Variants in MAP1B observed in about 807,000 individuals in gnomAD.
The protein encoded by MAP1B is microtubule associated protein 1B, also known as microtubule-associated protein 1B.
MAP1B carries 12 observed loss-of-function variants against 176.1 expected under a neutral mutation model. That is an observed-to-expected ratio of 0.07 (90% confidence interval 0.04 to 0.11). The LOEUF (loss-of-function observed/expected upper bound fraction) is 0.11, where lower values mean the gene tolerates loss of function less well. MAP1B is among the 10% of genes least tolerant of loss of function. The pLI, the probability that MAP1B is intolerant of heterozygous loss-of-function variation, is 1.00. For missense variants in MAP1B, 2,523 were observed against 2,990.5 expected, an observed-to-expected ratio of 0.84 and a Z score of 3.65; for synonymous variants, 1,044 against 1,135.0, an observed-to-expected ratio of 0.92 and a Z score of 1.61.
Position 72,208,381 on chromosome 5 carries a change from A to G in MAP1B, c.*3142A>G, listed in dbSNP as rs890985128. On this transcript the variant is annotated 3_prime_UTR_variant, in exon 7 of 7. Transcript: ENST00000296755. ...GTTTAAATGATGGGATTCTATCGAGATAGCACTCATGATCATGACCTTTTT... is the reference window on the plus strand; with the variant it reads ...GTTTAAATGATGGGATTCTATCGAGGTAGCACTCATGATCATGACCTTTTT... 25 of 152,186 alleles carry G rather than the reference A, an allele frequency of 1.6e-4. No homozygotes were observed. Among genetic ancestry groups the G allele is most frequent in the Non-Finnish European group, 2.8e-4 (19 of 68,036 alleles). 9.4% of individuals were successfully genotyped at this position (152,186 alleles called of 1,614,324 possible). A position where few individuals can be genotyped will look rare whatever the true frequency, so the allele number is the denominator to read the frequency against.
intron 2 of MAP1B, among the ~76,000 whole-genome samples, chr5:72,130,157 A>C (rs898569873): frequency 7.0e-6 from 1 of 143,284 alleles, no homozygotes; most frequent in Non-Finnish European, 1.5e-5. Flanking sequence ...AAAAATCCCA[A>C]CTTACAGTTT....
At chr5:72,121,033 C>T (rs1384331037) in intron 2 of MAP1B, among the ~76,000 whole-genome samples, 2 of 152,228 alleles carry the variant, frequency 1.3e-5, no homozygotes, top group South Asian at 4.1e-4. Flanking sequence ...TATGGCTGAG[C>T]TTCTAAGGTC....
At chr5:72,161,083 T>A (rs980287939) in intron 2 of MAP1B, among the ~76,000 whole-genome samples, 1 of 152,156 alleles carries the variant, frequency 6.6e-6, no homozygotes, top group Admixed American at 6.5e-5. Flanking sequence ...ACATCCACCT[T>A]CAAAGATCCC....
At chr5:72,151,655 T>C (rs548239226) in intron 2 of MAP1B, among the ~76,000 whole-genome samples, 1 of 152,304 alleles carries the variant, frequency 6.6e-6, no homozygotes, top group East Asian at 1.9e-4. Context: ...GGATTTGTTT[T>C]CATAATTTTT....
chr5:72,150,479 C>T (rs1311223534), intron 2 of MAP1B, among the ~76,000 whole-genome samples: 1 of 152,172 alleles, frequency 6.6e-6, no homozygotes, highest in African/African-American at 2.4e-5. Flanking sequence ...CAGATTTTTT[C>T]CTTAAGCACC....
At chr5:72,163,930 CTTTTTTTT>C (rs869167918) in intron 2 of MAP1B, among the ~76,000 whole-genome samples, 2 of 43,698 alleles carry the variant, frequency 4.6e-5, no homozygotes, top group Non-Finnish European at 1.0e-4. Context: ...TTTTTTTTTT[CTTTTTTTT>C]TTTTTTTTTT....
intron 2 of MAP1B, among the ~76,000 whole-genome samples, chr5:72,178,927 T>C (rs1321766863): frequency 6.6e-6 from 1 of 151,952 alleles, no homozygotes; most frequent in African/African-American, 2.4e-5. Context: ...GACACATAGG[T>C]TCAATTAATC....
chr5:72,179,794 C>G, intron 2 of MAP1B: 1 of 985,500 alleles, frequency 1.0e-6, no homozygotes, highest in Non-Finnish European at 1.2e-6. Flanking sequence ...GCCATGGCAT[C>G]TTGGTGCACG....
intron 2 of MAP1B, among the ~76,000 whole-genome samples, chr5:72,148,305 G>A (rs1746081759): frequency 6.6e-6 from 1 of 152,060 alleles, no homozygotes; most frequent in Non-Finnish European, 1.5e-5. Flanking sequence ...TGAGAATTAG[G>A]GGAACAGTCC....
intron 2 of MAP1B, among the ~76,000 whole-genome samples, chr5:72,139,259 T>C (rs532652335): frequency 2.0e-5 from 3 of 152,214 alleles, no homozygotes; most frequent in Non-Finnish European, 2.9e-5. Flanking sequence ...TCTCCAGTTC[T>C]GGTAACCTCT....
At chr5:72,129,238 G>A (rs772518976) in intron 2 of MAP1B, among the ~76,000 whole-genome samples, 3 of 152,132 alleles carry the variant, frequency 2.0e-5, no homozygotes, top group Non-Finnish European at 4.4e-5. Flanking sequence ...AATGTATTTC[G>A]CTTTTCAAGA....
chr5:72,107,756 G>A, intron 1 of MAP1B, 41 bp downstream of exon 1: 2 of 1,591,054 alleles, frequency 1.3e-6, no homozygotes, highest in South Asian at 2.2e-5. Context: ...GCTGGGAGAC[G>A]CGCAAACACG....
At chr5:72,162,211 C>T (rs1046895561) in intron 2 of MAP1B, among the ~76,000 whole-genome samples, 4 of 151,870 alleles carry the variant, frequency 2.6e-5, no homozygotes, top group African/African-American at 9.7e-5. Context: ...GTGTGATTGG[C>T]GAGAGATGAG....
rs1022336427 is a variant in MAP1B, at chr5:72,186,093, C to T, written c.370-521C>T. ...TGCCGTGGAGCTGTGTGTGTGCTTGCTGCACGCCTTGGAAGGGCATATGGG... is the reference window on the plus strand; with the variant it reads ...TGCCGTGGAGCTGTGTGTGTGCTTGTTGCACGCCTTGGAAGGGCATATGGG... On this transcript the variant is annotated intron_variant, in intron 3 of 6. Coordinates refer to ENST00000296755, the MANE Select transcript of MAP1B (RefSeq NM_005909.5). The surrounding 1 kb of genome is among the most constrained non-coding windows in gnomAD (Gnocchi z 4.3). 2.6e-5 allele frequency among the ~76,000 whole-genome samples: 4 copies of T among 152,190 alleles called. No homozygotes were observed. Among genetic ancestry groups the T allele is most frequent in the African/African-American group, 9.7e-5 (4 of 41,448 alleles).
chr5:72,175,013 CCCTT>C (rs1325815557), intron 2 of MAP1B, among the ~76,000 whole-genome samples: 1,168 of 112,114 alleles, frequency 0.01, 12 homozygotes, highest in East Asian at 0.032. Context: ...TTCCCTCCCT[CCCTT>C]CCTTCCCTCC....
intron 4 of MAP1B, chr5:72,193,342 CTTT>C (rs67199223): frequency 0.019 from 4,086 of 214,620 alleles, no homozygotes; most frequent in South Asian, 0.035. Context: ...TCCATCAGGC[CTTT>C]TTTTTTTTTT....
Position 72,196,454 on chromosome 5 carries a change from A to G in MAP1B, c.3099A>G (p.Glu1033=). The change falls in exon 5 of 7, where the codon GAA becomes GAG. Residue 1033 remains glutamate (E), a synonymous_variant. Transcript: ENST00000296755. This position sits in a 1 kb window ranked among gnomAD's most constrained non-coding sequence, Gnocchi z 5.3. ...AAGCTGAAGATGCCAGAGAGGAGGAATATGAGCCGGAAAAAATGGAAGCTG... is the reference window on the plus strand; with the variant it reads ...AAGCTGAAGATGCCAGAGAGGAGGAGTATGAGCCGGAAAAAATGGAAGCTG... ...EDKAEDAREE[E]YEPEKMEAED... 6.2e-7 allele frequency: 1 copy of G among 1,613,854 alleles called. No homozygotes were observed. Among genetic ancestry groups the G allele is most frequent in the South Asian group, 1.1e-5 (1 of 91,076 alleles).
chr5:72,174,146 A>G (rs1397437342), intron 2 of MAP1B, among the ~76,000 whole-genome samples: 4 of 152,142 alleles, frequency 2.6e-5, no homozygotes, highest in Non-Finnish European at 5.9e-5. Context: ...TAAATAAACA[A>G]ATAAACAGAT....
At chr5:72,170,262 A>G (rs755763051) in intron 2 of MAP1B, among the ~76,000 whole-genome samples, 4 of 152,168 alleles carry the variant, frequency 2.6e-5, no homozygotes, top group Non-Finnish European at 5.9e-5. Context: ...TCAAAGTATG[A>G]TTCTCCATAG....
Sources: allele counts gnomAD v4.1 joint callset (sites outside exome capture counted in the v4.1 genomes callset), GRCh38; gene constraint gnomAD v4.1.1; non-coding constraint Gnocchi (gnomAD v3.1); transcripts MANE v1.5; gene names NCBI Gene and HGNC (gene_info 2026-07-23, HGNC 2026-07-21).